Variants in GRIA2 observed in about 807,000 individuals in gnomAD.
GRIA2 encodes glutamate ionotropic receptor AMPA type subunit 2, also known as glutamate receptor 2.
GRIA2 carries 14 observed loss-of-function variants against 97.3 expected under a neutral mutation model. The observed-to-expected ratio is 0.14, with a 90% CI of 0.10 to 0.23. The LOEUF (loss-of-function observed/expected upper bound fraction) is 0.23. Among genes scored for constraint, GRIA2 ranks in the 10% least tolerant of loss-of-function variants. The probability of loss-of-function intolerance (pLI) is 1.00; values close to 1 mark genes in which losing one functional copy is unlikely to be tolerated. For missense variants in GRIA2, 558 were observed against 1,069.8 expected, an observed-to-expected ratio of 0.52 and a Z score of 6.67; for synonymous variants, 412 against 387.8, an observed-to-expected ratio of 1.06 and a Z score of -0.73.
At chr4:157,223,740 A>T (rs377547212) in intron 2 of GRIA2, among the ~76,000 whole-genome samples, 12 of 152,332 alleles carry the variant, frequency 7.9e-5, no homozygotes, top group East Asian at 7.7e-4. Context: ...GAAAGTATTG[A>T]CAGCTGTACT....
chr4:157,346,356 A>C (rs1735765505), intron 12 of GRIA2, among the ~76,000 whole-genome samples: 1 of 152,092 alleles, frequency 6.6e-6, no homozygotes, highest in Admixed American at 6.6e-5. Flanking sequence ...TGTTATAAAT[A>C]ATGGATTTCA....
intron 2 of GRIA2, among the ~76,000 whole-genome samples, chr4:157,285,403 T>C (rs2126822935): frequency 1.3e-5 from 2 of 151,744 alleles, no homozygotes; most frequent in African/African-American, 4.8e-5. Context: ...ACTTTTAAAG[T>C]AGAGGAATTT....
chr4:157,284,677 A>G (rs1347039324), intron 2 of GRIA2, among the ~76,000 whole-genome samples: 1 of 151,668 alleles, frequency 6.6e-6, no homozygotes, highest in Non-Finnish European at 1.5e-5. Flanking sequence ...TACTCTAAAA[A>G]GAGTATATAG....
intron 12 of GRIA2, among the ~76,000 whole-genome samples, chr4:157,357,228 A>G (rs1579391849): frequency 6.6e-6 from 1 of 152,244 alleles, no homozygotes; most frequent in Non-Finnish European, 1.5e-5. Context: ...CTTGTTTTGA[A>G]AGTAGCTGTG....
rs1431881361 is a variant in GRIA2, at chr4:157,221,059, A to G, written c.17A>G (p.His6Arg). 2 of 1,581,782 alleles carry G rather than the reference A, an allele frequency of 1.3e-6. No homozygotes were observed. Among genetic ancestry groups the G allele is most frequent in the Non-Finnish European group, 1.7e-6 (2 of 1,150,438 alleles). MQKIM[H>R]ISVLLSPVLW... ...TTCTTGGAAATGCAAAAGATTATGC[A>G]TATTTCTGTCCTCCTTTCTCCTGTT... Residue 6 changes from histidine to arginine, a missense_variant, in exon 1 of 16, where the codon CAT (histidine) becomes CGT (arginine). Transcript: ENST00000264426.
intron 2 of GRIA2, among the ~76,000 whole-genome samples, chr4:157,257,910 A>G (rs1731350234): frequency 6.6e-6 from 1 of 152,108 alleles, no homozygotes; most frequent in Admixed American, 6.6e-5. Flanking sequence ...TTAATTCACC[A>G]AATTAATACT....
chr4:157,341,327 C>G lies in GRIA2; in HGVS notation c.1908C>G (p.Ser636=). Residue 636 remains serine, a synonymous_variant, in exon 12 of 16, where the codon TCC becomes TCG. Coordinates refer to ENST00000264426, the MANE Select transcript of GRIA2 (RefSeq NM_001083619.3). ...WWFFTLIIIS[S]YTANLAAFLT... is the part of the protein sequence containing the mutation. ...TCTTTACCCTGATCATAATCTCCTC[C>G]TACACGGCTAACTTAGCTGCCTTCC... The G allele has an allele frequency of 6.2e-7, 1 of 1,612,730 alleles. No homozygotes were observed. Among genetic ancestry groups the G allele is most frequent in the Non-Finnish European group, 8.5e-7 (1 of 1,178,970 alleles).
rs1164423424 is a variant in GRIA2, at chr4:157,361,891, C to A, written c.2406+767C>A. ...TATTTATTTCAGTCTGTGTTCATGTCTAACTCATACATAATAGTGCATGAA... is the reference window on the plus strand; with the variant it reads ...TATTTATTTCAGTCTGTGTTCATGTATAACTCATACATAATAGTGCATGAA... On this transcript the variant is annotated intron_variant, in intron 14 of 15. Coordinates refer to ENST00000264426, the MANE Select transcript of GRIA2 (RefSeq NM_001083619.3). The surrounding 1 kb of genome is among the most constrained non-coding windows in gnomAD (Gnocchi z 5.2). Among the ~76,000 whole-genome samples the A allele has an allele frequency of 6.6e-6, 1 of 152,052 alleles. No individual in the cohort carries two copies. The highest frequency in any genetic ancestry group is 1.9e-4 in the East Asian group (1 of 5,180).
chr4:157,304,856 G>A (rs368096779), intron 3 of GRIA2, among the ~76,000 whole-genome samples: 1 of 152,056 alleles, frequency 6.6e-6, no homozygotes, highest in Non-Finnish European at 1.5e-5. Flanking sequence ...CAGCAAGCTC[G>A]AGTCAGGAGT....
chr4:157,302,443 T>G (rs954860410), intron 2 of GRIA2, among the ~76,000 whole-genome samples: 2 of 152,148 alleles, frequency 1.3e-5, no homozygotes, highest in African/African-American at 4.8e-5. Flanking sequence ...ATATTACTTT[T>G]TAATTAAGAG....
At chr4:157,242,170 A>G (rs1730539034) in intron 2 of GRIA2, among the ~76,000 whole-genome samples, 1 of 152,076 alleles carries the variant, frequency 6.6e-6, no homozygotes. Context: ...TTAAATGTGA[A>G]GATCATGATA....
chr4:157,342,112 T>C (rs1378757561), intron 12 of GRIA2: 3 of 974,620 alleles, frequency 3.1e-6, no homozygotes, highest in South Asian at 4.7e-5. Flanking sequence ...TCTACTATTG[T>C]GTGTATAAAA....
intron 2 of GRIA2, among the ~76,000 whole-genome samples, chr4:157,288,047 A>G (rs1318189475): frequency 6.6e-6 from 1 of 151,718 alleles, no homozygotes; most frequent in Non-Finnish European, 1.5e-5. Flanking sequence ...AAAGAATCCT[A>G]ATAAAGTATT....
At chr4:157,315,420 G>A (rs1734268358) in intron 4 of GRIA2, among the ~76,000 whole-genome samples, 1 of 150,266 alleles carries the variant, frequency 6.7e-6, no homozygotes, top group Non-Finnish European at 1.5e-5. Flanking sequence ...CTCAACCAGT[G>A]TTTTTTCAAG....
intron 12 of GRIA2, among the ~76,000 whole-genome samples, chr4:157,355,943 A>ATATATGTT (rs1560781206): frequency 0.022 from 129 of 5,782 alleles, no homozygotes; most frequent in South Asian, 0.19. Context: ...TTATATATTA[A>ATATATGTT]TATATATTTA....
At chr4:157,348,427 C>T (rs980873816) in intron 12 of GRIA2, among the ~76,000 whole-genome samples, 11 of 152,120 alleles carry the variant, frequency 7.2e-5, no homozygotes, top group South Asian at 2.1e-4. Flanking sequence ...TTTGTAGAAA[C>T]GAGATCTCCC....
In GRIA2 at chr4:157,361,581, G is replaced by A. The variant is rs376401100; in HGVS notation, c.2406+457G>A. 1.2e-5 allele frequency: 20 copies of A among 1,612,490 alleles called. No homozygotes were observed. Among genetic ancestry groups the A allele is most frequent in the African/African-American group, 9.3e-5 (7 of 74,912 alleles). ...AGTATTGAAACTCAGTGAGCAAGGC[G>A]TCTTAGACAAGCTGAAAAACAAATG... On this transcript the variant is annotated intron_variant, in intron 14 of 15. Transcript: ENST00000264426. The surrounding 1 kb of genome is among the most constrained non-coding windows in gnomAD (Gnocchi z 5.2).
At chr4:157,352,152 AT>A (rs1294988037) in intron 12 of GRIA2, among the ~76,000 whole-genome samples, 1 of 152,162 alleles carries the variant, frequency 6.6e-6, no homozygotes, top group Non-Finnish European at 1.5e-5. Context: ...GTTTTATAAT[AT>A]TGTTAAGTGA....
At chr4:157,283,555 TCATCA>T in intron 2 of GRIA2, among the ~76,000 whole-genome samples, 1 of 151,996 alleles carries the variant, frequency 6.6e-6, no homozygotes, top group African/African-American at 2.4e-5. Context: ...GTGCAAAAAT[TCATCA>T]GAATCACTGG....
Sources: gnomAD v4.1 joint callset for allele counts (sites outside exome capture counted in the v4.1 genomes callset) on GRCh38, gnomAD v4.1.1 for gene constraint, Gnocchi (gnomAD v3.1) non-coding constraint, MANE v1.5 for transcripts, NCBI Gene and HGNC (gene_info 2026-07-23, HGNC 2026-07-21) for gene names.